The following SNX9 variants were observed in gnomAD, a reference collection of about 807,000 sequenced individuals.
The protein encoded by SNX9 is sorting nexin 9, also known as sorting nexin-9.
A neutral mutation model predicts 89.4 loss-of-function variants in SNX9; 44 were observed. The ratio of observed to expected loss-of-function variants is 0.49; its 90% CI spans 0.39 to 0.63. The LOEUF (loss-of-function observed/expected upper bound fraction) is 0.63, where lower values mean the gene tolerates loss of function less well. Ranked by LOEUF, SNX9 falls within the 30% of genes least tolerant of loss-of-function variation. The pLI, the probability that SNX9 is intolerant of heterozygous loss-of-function variation, is 0.00. For synonymous variants in SNX9, 236 were observed against 247.8 expected, an observed-to-expected ratio of 0.95 and a Z score of 0.45; for missense variants, 578 against 736.1, an observed-to-expected ratio of 0.79 and a Z score of 2.49.
chr6:157,907,486 A>G (rs1409932611), intron 7 of SNX9, among the ~76,000 whole-genome samples: 5 of 152,256 alleles, frequency 3.3e-5, no homozygotes, highest in African/African-American at 9.6e-5. Context: ...GGGTTTCACC[A>G]TATTGGCCAG....
intron 7 of SNX9, among the ~76,000 whole-genome samples, chr6:157,908,649 G>T (rs868858378): frequency 6.6e-6 from 1 of 152,146 alleles, no homozygotes; most frequent in Non-Finnish European, 1.5e-5. Flanking sequence ...CATGGCCTTG[G>T]ATGCTGTTTT....
Position 157,823,571 on chromosome 6 carries a change from G to A in SNX9, c.12+125G>A. On this transcript the variant is annotated intron_variant, in intron 1 of 17. Transcript: ENST00000392185. This position sits in a 1 kb window ranked among gnomAD's most constrained non-coding sequence, Gnocchi z 4.6. ...GTCGAGGGGCCACTCCGCTTCCTCG[G>A]TGGAGTCCCCGGGCGGGTCCGCGGC... 2.4e-6 allele frequency: 2 copies of A among 836,956 alleles called. No homozygotes were observed. Among genetic ancestry groups the A allele is most frequent in the Non-Finnish European group, 3.1e-6 (2 of 655,132 alleles). 51.8% of individuals were successfully genotyped at this position (836,956 alleles called of 1,614,324 possible).
chr6:157,883,325 C>T (rs867660822), intron 4 of SNX9, among the ~76,000 whole-genome samples: 8 of 152,178 alleles, frequency 5.3e-5, no homozygotes, highest in Admixed American at 1.3e-4. Context: ...CTCACTTTAA[C>T]GTGATGGACT....
intron 1 of SNX9, among the ~76,000 whole-genome samples, chr6:157,855,353 A>G (rs1442527008): frequency 1.3e-5 from 2 of 152,212 alleles, no homozygotes; most frequent in African/African-American, 4.8e-5. Context: ...GTAAATATGA[A>G]TAACCATGTA....
rs900848489 is a variant in SNX9 at position 157,852,380 on chromosome 6, A to G, written c.13-15167A>G. 7.2e-5 allele frequency among the ~76,000 whole-genome samples: 11 copies of G among 152,308 alleles called. No individual in the cohort carries two copies. The East Asian group carries it at 1.7e-3, about 24-fold the overall frequency. ...ATCAAAAGCTGCTTTGCATTAGGCC[A>G]TGGTTCTCAGAATTCACAATCCTCC... is the stretch of plus-strand genomic sequence containing the variant. On this transcript the variant is annotated intron_variant, in intron 1 of 17. Transcript: ENST00000392185.
chr6:157,917,905 T>C lies in SNX9; in HGVS notation c.950-3626T>C, dbSNP rs569730062. ...TGGATACAGAGAACCAACTCTATGT[T>C]TAATTTCCAACTATCTGGCCATTTC... is the stretch of plus-strand genomic sequence containing the variant. On this transcript the variant is annotated intron_variant, in intron 9 of 17. Transcript: ENST00000392185. Among the ~76,000 whole-genome samples, 6 of 152,294 alleles carry C rather than the reference T, an allele frequency of 3.9e-5. No individual in the cohort carries two copies. The South Asian group carries it at 1.2e-3, about 32-fold the overall frequency.
chr6:157,894,948 G>C (rs1782948956), intron 4 of SNX9, among the ~76,000 whole-genome samples: 1 of 151,788 alleles, frequency 6.6e-6, no homozygotes, highest in African/African-American at 2.4e-5. Flanking sequence ...ACTGGGAAGA[G>C]ACCTTCTCTG....
intron 4 of SNX9, among the ~76,000 whole-genome samples, chr6:157,883,171 C>G (rs533627583): frequency 6.6e-6 from 1 of 152,256 alleles, no homozygotes; most frequent in African/African-American, 2.4e-5. Context: ...TAGTGGAAGG[C>G]TCAGATGATC....
At chr6:157,830,447 C>G (rs1781459356) in intron 1 of SNX9, 1 of 152,244 alleles carries the variant, frequency 6.6e-6, no homozygotes, top group African/African-American at 2.4e-5. Context: ...TGGTGTGACT[C>G]CTCACTGGCT....
chr6:157,849,011 C>A (rs1299098444), intron 1 of SNX9, among the ~76,000 whole-genome samples: 1 of 152,150 alleles, frequency 6.6e-6, no homozygotes, highest in East Asian at 1.9e-4. Context: ...CTTTGAGAGA[C>A]CGCAGCAGTA....
chr6:157,830,885 C>T (rs1178290447), intron 1 of SNX9, among the ~76,000 whole-genome samples: 1 of 152,158 alleles, frequency 6.6e-6, no homozygotes, highest in East Asian at 1.9e-4. Context: ...GTCAACCTGT[C>T]ATGTTTTCTT....
intron 1 of SNX9, among the ~76,000 whole-genome samples, chr6:157,851,789 A>G (rs914550986): frequency 3.3e-5 from 5 of 151,980 alleles, no homozygotes; most frequent in Non-Finnish European, 7.4e-5. Context: ...CGGGTTCACC[A>G]TGTTGGCCAA....
intron 1 of SNX9, among the ~76,000 whole-genome samples, chr6:157,858,237 CTTTTTCT>C (rs1395146252): frequency 6.7e-6 from 1 of 148,788 alleles, no homozygotes; most frequent in Non-Finnish European, 1.5e-5. Flanking sequence ...AGTCTTTTTT[CTTTTTCT>C]TTTTTCTTTT....
chr6:157,913,098 C>G (rs1349841818), intron 9 of SNX9, among the ~76,000 whole-genome samples: 1 of 152,172 alleles, frequency 6.6e-6, no homozygotes, highest in African/African-American at 2.4e-5. Flanking sequence ...TATCCCAGGT[C>G]CAGACTGGCT....
chr6:157,900,845 A>G (rs1783081742), intron 5 of SNX9, among the ~76,000 whole-genome samples: 1 of 152,236 alleles, frequency 6.6e-6, no homozygotes, highest in Non-Finnish European at 1.5e-5. Flanking sequence ...AGCTGGTTAC[A>G]AACAATCCGT....
intron 1 of SNX9, among the ~76,000 whole-genome samples, chr6:157,836,349 C>A (rs1360658736): frequency 1.3e-5 from 2 of 152,198 alleles, no homozygotes; most frequent in Admixed American, 6.5e-5. Context: ...AAACTCCCCT[C>A]TTCTCTGATT....
At chr6:157,942,671 G>A in intron 17 of SNX9, 120 bp from the exon 18 acceptor site, 2 of 1,069,472 alleles carry the variant, frequency 1.9e-6, no homozygotes, top group South Asian at 2.8e-5. Context: ...GTGCCAAAAA[G>A]ACCAGTTAAA....
At chr6:157,828,886 G>GGA (rs1447232830) in intron 1 of SNX9, among the ~76,000 whole-genome samples, 7 of 152,116 alleles carry the variant, frequency 4.6e-5, no homozygotes, top group African/African-American at 1.7e-4. Flanking sequence ...TTTTATATTT[G>GGA]TTTCTATAAC....
chr6:157,839,254 T>C (rs1781646219), intron 1 of SNX9, among the ~76,000 whole-genome samples: 1 of 152,246 alleles, frequency 6.6e-6, no homozygotes, highest in South Asian at 2.1e-4. Flanking sequence ...GGCATTCCTC[T>C]GTGATTCATT....
Sources: allele counts gnomAD v4.1 joint callset (sites outside exome capture counted in the v4.1 genomes callset), GRCh38; gene constraint gnomAD v4.1.1; non-coding constraint Gnocchi (gnomAD v3.1); transcripts MANE v1.5; gene names NCBI Gene and HGNC (gene_info 2026-07-23, HGNC 2026-07-21).